Variants in DOCK8 observed in about 807,000 individuals in gnomAD.
DOCK8 encodes the protein dedicator of cytokinesis protein 8.
In DOCK8, 141 loss-of-function variants were observed where a neutral mutation model predicts 245.6. That is an observed-to-expected ratio of 0.57 (90% CI 0.50 to 0.66). The LOEUF (loss-of-function observed/expected upper bound fraction) is 0.66, where lower values mean the gene tolerates loss of function less well. DOCK8 is among the 30% of genes least tolerant of loss of function. DOCK8 has a pLI of 0.00. For missense variants in DOCK8, 2,965 were observed against 2,603.4 expected (o/e 1.14, Z -3.02); for synonymous variants, 1,168 against 970.2 (o/e 1.20, Z -3.79).
chr9:453,458 A>G (rs1178385498), intron 46 of DOCK8, among the ~76,000 whole-genome samples: 2 of 152,082 alleles, frequency 1.3e-5, no homozygotes, highest in South Asian at 2.1e-4. Context: ...ACAAGGTCTC[A>G]CTCTGTTGCC....
At chr9:247,021 A>T (rs1214174807) in intron 1 of DOCK8, among the ~76,000 whole-genome samples, 2 of 152,206 alleles carry the variant, frequency 1.3e-5, no homozygotes, top group East Asian at 3.8e-4. Context: ...TGAATATTGA[A>T]TTTAGAATTC....
At chr9:257,599 A>T (rs764447996) in intron 1 of DOCK8, among the ~76,000 whole-genome samples, 30 of 152,016 alleles carry the variant, frequency 2.0e-4, no homozygotes, top group Non-Finnish European at 3.4e-4. Context: ...GGCTCACTGC[A>T]CCCTCAGCCT....
At chr9:370,340 T>G in intron 16 of DOCK8, 40 bp downstream of exon 16, 1 of 1,579,176 alleles carries the variant, frequency 6.3e-7, no homozygotes, top group South Asian at 1.1e-5. Flanking sequence ...GCCAAGATGG[T>G]TTCATCATCT....
chr9:389,816 G>A (rs773033603), intron 23 of DOCK8, among the ~76,000 whole-genome samples: 6 of 151,816 alleles, frequency 4.0e-5, no homozygotes, highest in Non-Finnish European at 8.8e-5. Context: ...AGGAGTTTGA[G>A]ACTAAGTGGG....
chr9:214,617 T>G, upstream of DOCK8: 1 of 1,613,646 alleles, frequency 6.2e-7, no homozygotes, highest in Non-Finnish European at 8.5e-7. Context: ...GCTTCCGGCC[T>G]GCGCGCAGTG....
At chr9:428,973 T>TTTA (rs1446651825) in intron 35 of DOCK8, among the ~76,000 whole-genome samples, 1 of 152,198 alleles carries the variant, frequency 6.6e-6, no homozygotes, top group African/African-American at 2.4e-5. Context: ...TATTTATTTA[T>TTTA]TTATTTATTT....
intron 1 of DOCK8, among the ~76,000 whole-genome samples, chr9:249,726 T>G (rs553867575): frequency 6.6e-6 from 1 of 152,014 alleles, no homozygotes; most frequent in Non-Finnish European, 1.5e-5. Flanking sequence ...CAAGCGATTC[T>G]CCTGCCTCAG....
At chr9:390,019 CAAAA>C (rs76435713) in intron 23 of DOCK8, among the ~76,000 whole-genome samples, 4 of 138,008 alleles carry the variant, frequency 2.9e-5, no homozygotes, top group Non-Finnish European at 4.7e-5. Context: ...AGCCCTATCT[CAAAA>C]AAAAAAAAAG....
chr9:261,466 G>A (rs1404242155), intron 1 of DOCK8, among the ~76,000 whole-genome samples: 2 of 152,180 alleles, frequency 1.3e-5, no homozygotes, highest in Non-Finnish European at 2.9e-5. Flanking sequence ...CATGGCATCA[G>A]ACTAGCTACT....
intron 39 of DOCK8, 120 bp from the exon 40 acceptor site, chr9:439,125 T>G: frequency 7.9e-7 from 1 of 1,267,630 alleles, no homozygotes. Flanking sequence ...AGACCTAGTT[T>G]AGTCACGGTC....
chr9:446,740 G>A, intron 44 of DOCK8, 134 bp downstream of exon 44: 1 of 797,668 alleles, frequency 1.3e-6, no homozygotes, highest in East Asian at 2.7e-5. Context: ...TTATATGGTT[G>A]TCCTTTCACT....
At chr9:257,074 G>T (rs1275448447) in intron 1 of DOCK8, among the ~76,000 whole-genome samples, 1 of 152,108 alleles carries the variant, frequency 6.6e-6, no homozygotes, top group African/African-American at 2.4e-5. Flanking sequence ...ACAATTAATA[G>T]CTTCATAACT....
chr9:426,326 C>T (rs985001757), intron 33 of DOCK8, among the ~76,000 whole-genome samples: 16 of 152,126 alleles, frequency 1.1e-4, no homozygotes, highest in East Asian at 7.7e-4. Flanking sequence ...TGGAAAAGGA[C>T]GAAAGACCCC....
chr9:385,820 T>C (rs1423850978), intron 22 of DOCK8, among the ~76,000 whole-genome samples: 1 of 152,250 alleles, frequency 6.6e-6, no homozygotes, highest in Non-Finnish European at 1.5e-5. Context: ...CTATTTTTCT[T>C]TAATAAAATG....
At chr9:268,453 C>T (rs1194722726) in intron 1 of DOCK8, among the ~76,000 whole-genome samples, 1 of 152,200 alleles carries the variant, frequency 6.6e-6, no homozygotes, top group Non-Finnish European at 1.5e-5. Context: ...TTCATGATGA[C>T]AAAAATACTA....
chr9:343,027 A>C (rs115155237), intron 14 of DOCK8, among the ~76,000 whole-genome samples: 1,635 of 152,332 alleles, frequency 0.011, 28 homozygotes, highest in African/African-American at 0.037. Context: ...TCCTAACAGC[A>C]GTGTGAGAGA....
chr9:422,260 G>A, intron 33 of DOCK8, 125 bp downstream of exon 33: 1 of 831,832 alleles, frequency 1.2e-6, no homozygotes, highest in Non-Finnish European at 2.0e-6. Flanking sequence ...CATTATCTGT[G>A]TAAATACAAT....
intron 18 of DOCK8, among the ~76,000 whole-genome samples, chr9:374,820 C>T (rs2053455775): frequency 6.6e-6 from 1 of 151,800 alleles, no homozygotes; most frequent in Non-Finnish European, 1.5e-5. Flanking sequence ...ATATATAGCT[C>T]ACGTTATATT....
At chr9:433,025 C>G (rs1183618221) in intron 37 of DOCK8, among the ~76,000 whole-genome samples, 1 of 152,124 alleles carries the variant, frequency 6.6e-6, no homozygotes, top group Non-Finnish European at 1.5e-5. Flanking sequence ...TCTTTTATTC[C>G]CTTAGTCTGA....
Sources: gnomAD v4.1 joint callset for allele counts (sites outside exome capture counted in the v4.1 genomes callset) on GRCh38, gnomAD v4.1.1 for gene constraint, MANE v1.5 for transcripts, NCBI Gene and HGNC (gene_info 2026-07-23, HGNC 2026-07-21) for gene names.